ZMYM2: variants seen among roughly 807,000 people sequenced by gnomAD.
ZMYM2 encodes zinc finger MYM-type containing 2.
A neutral mutation model predicts 162.8 loss-of-function variants in ZMYM2; 56 were observed. The ratio of observed to expected loss-of-function variants is 0.34; its 90% CI spans 0.28 to 0.43. The LOEUF is 0.43. ZMYM2 is among the 20% of genes least tolerant of loss of function. The probability of loss-of-function intolerance (pLI) is 1.00; values close to 1 mark genes in which losing one functional copy is unlikely to be tolerated. For missense variants in ZMYM2, 1,275 were observed against 1,621.8 expected (o/e 0.79, Z 3.67); for synonymous variants, 510 against 541.6 (o/e 0.94, Z 0.81).
At chr13:19,863,864 T>A in the ZMYM2 span, 2 of 152,150 alleles carry the variant, frequency 1.3e-5, no homozygotes, top group Non-Finnish European at 2.9e-5. Flanking sequence ...CTGCCAGCCC[T>A]CAACTCCCGG....
the ZMYM2 span, among the ~76,000 whole-genome samples, chr13:19,948,697 T>C: frequency 6.6e-6 from 1 of 152,130 alleles, no homozygotes; most frequent in African/African-American, 2.4e-5. Flanking sequence ...GTAATAATAA[T>C]GTGTTCATAT....
the ZMYM2 span, among the ~76,000 whole-genome samples, chr13:19,934,767 C>CTTTTTT: frequency 2.7e-5 from 4 of 147,346 alleles, no homozygotes; most frequent in African/African-American, 7.8e-5. Context: ...TTCTTTCTTT[C>CTTTTTT]TTTCTTTTTT....
chr13:19,920,611 G>C, the ZMYM2 span, among the ~76,000 whole-genome samples: 1 of 151,820 alleles, frequency 6.6e-6, no homozygotes, highest in Non-Finnish European at 1.5e-5. Flanking sequence ...ACACTGAGGG[G>C]AGAGAAGGAG....
At chr13:19,948,086 C>T in the ZMYM2 span, among the ~76,000 whole-genome samples, 39 of 151,612 alleles carry the variant, frequency 2.6e-4, no homozygotes, top group Non-Finnish European at 1.5e-5. Flanking sequence ...AGGTGAAAAT[C>T]CCAAATACTG....
chr13:19,967,910 G>T (rs1013509535), intron 2 of ZMYM2, among the ~76,000 whole-genome samples: 20 of 152,184 alleles, frequency 1.3e-4, no homozygotes, highest in Admixed American at 2.6e-4. Flanking sequence ...ATGACTAGAA[G>T]AATTTCTATG....
At chr13:19,953,557 G>A in the ZMYM2 span, among the ~76,000 whole-genome samples, 1 of 151,858 alleles carries the variant, frequency 6.6e-6, no homozygotes, top group Admixed American at 6.6e-5. Flanking sequence ...GGTGGCGCTT[G>A]CCTGTAGTCC....
Position 20,088,623 on chromosome 13 carries a change from C to CT in ZMYM2, c.*2618dup, listed in dbSNP as rs1170725232. 166 of 192,594 alleles carry CT rather than the reference C, an allele frequency of 8.6e-4. No individual in the cohort carries two copies. Among genetic ancestry groups the CT allele is most frequent in the Middle Eastern group, 1.7e-3 (1 of 582 alleles). The allele number at this position is 192,594 out of a possible 1,614,324, so 11.9% of individuals were successfully genotyped here. Reference sequence around the variant, plus strand: ...GGATTTTTCTAGGCAAGAAGCTCAACTTTTTTTTTCCATAAAAATAATTTT... The same window carrying CT: ...GGATTTTTCTAGGCAAGAAGCTCAACTTTTTTTTTTCCATAAAAATAATTTT... On this transcript the variant is annotated 3_prime_UTR_variant, in exon 25 of 25. Transcript: ENST00000610343.
intron 11 of ZMYM2, 67 bp from the exon 12 acceptor site, chr13:20,036,670 T>A: frequency 7.8e-7 from 1 of 1,290,086 alleles, no homozygotes; most frequent in Non-Finnish European, 1.0e-6. Context: ...AATTAAGATC[T>A]GTCTCTGCTC....
At chr13:20,082,418 A>G (rs556284012) in intron 22 of ZMYM2, among the ~76,000 whole-genome samples, 2 of 152,276 alleles carry the variant, frequency 1.3e-5, no homozygotes, top group African/African-American at 4.8e-5. Flanking sequence ...AATTTCTCTT[A>G]AACCACTGTT....
the ZMYM2 span, among the ~76,000 whole-genome samples, chr13:19,880,632 T>C: frequency 1.8e-3 from 268 of 152,198 alleles, 1 homozygote; most frequent in Middle Eastern, 0.01. Context: ...TTTCACCATG[T>C]TGCCCAGGCT....
chr13:19,867,724 C>T, the ZMYM2 span, among the ~76,000 whole-genome samples: 2 of 151,976 alleles, frequency 1.3e-5, no homozygotes, highest in African/African-American at 4.8e-5. Context: ...CTCCCGGGTT[C>T]GAATGATTCT....
At chr13:19,979,060 A>C (rs1319454027) in intron 2 of ZMYM2, among the ~76,000 whole-genome samples, 1 of 152,150 alleles carries the variant, frequency 6.6e-6, no homozygotes, top group Non-Finnish European at 1.5e-5. Context: ...TAGCACTTTA[A>C]ATATGTCATC....
chr13:19,879,167 T>C, the ZMYM2 span, among the ~76,000 whole-genome samples: 1 of 152,350 alleles, frequency 6.6e-6, no homozygotes, highest in African/African-American at 2.4e-5. Flanking sequence ...TTTTTGTGTG[T>C]ATTATAAGGT....
At chr13:20,076,783 G>C (rs1957534656) in intron 21 of ZMYM2, among the ~76,000 whole-genome samples, 2 of 150,268 alleles carry the variant, frequency 1.3e-5, no homozygotes, top group African/African-American at 5.0e-5. Context: ...AATACATAGA[G>C]GATTTCTAAG....
chr13:19,885,965 G>GTA, the ZMYM2 span, among the ~76,000 whole-genome samples: 72 of 91,290 alleles, frequency 7.9e-4, 20 homozygotes, highest in African/African-American at 2.2e-3. Context: ...ATATATATGT[G>GTA]TATACACATA....
chr13:19,931,087 C>T, the ZMYM2 span, among the ~76,000 whole-genome samples: 63,187 of 146,992 alleles, frequency 0.43, 15,430 homozygotes, highest in East Asian at 0.58. Context: ...TGCAGTGAGC[C>T]GAGATGGCGC....
At chr13:19,906,136 G>A in the ZMYM2 span, among the ~76,000 whole-genome samples, 4 of 151,316 alleles carry the variant, frequency 2.6e-5, no homozygotes, top group African/African-American at 7.3e-5. Flanking sequence ...TTAGCCGGGC[G>A]TGGTGGCACA....
chr13:20,060,987 T>C, intron 16 of ZMYM2, 66 bp from the exon 17 acceptor site: 3 of 1,482,138 alleles, frequency 2.0e-6, no homozygotes, highest in Non-Finnish European at 2.7e-6. Flanking sequence ...GTCAGAGTAA[T>C]TTTTAATTTG....
chr13:20,033,373 G>A (rs572997212), intron 10 of ZMYM2, among the ~76,000 whole-genome samples: 12 of 152,260 alleles, frequency 7.9e-5, no homozygotes, highest in East Asian at 1.9e-4. Flanking sequence ...AGAGTTGAGC[G>A]TGTCCCCCTG....
Sources: gnomAD v4.1 joint callset for allele counts (sites outside exome capture counted in the v4.1 genomes callset) on GRCh38, gnomAD v4.1.1 for gene constraint, MANE v1.5 for transcripts, NCBI Gene and HGNC (gene_info 2026-07-23, HGNC 2026-07-21) for gene names.